The following BTBD10 variants were observed in gnomAD, a reference collection of about 807,000 sequenced individuals.
The protein encoded by BTBD10 is BTB/POZ domain-containing protein 10.
In BTBD10, 21 loss-of-function variants were observed where a neutral mutation model predicts 53.2. The observed-to-expected ratio is 0.39, with a 90% confidence interval of 0.28 to 0.57. The LOEUF (loss-of-function observed/expected upper bound fraction) is 0.57, where lower values mean the gene tolerates loss of function less well. BTBD10 is among the 20% of genes least tolerant of loss of function. The pLI is 0.53. For synonymous variants in BTBD10, 149 were observed against 192.7 expected, an observed-to-expected ratio of 0.77 and a Z score of 1.88; for missense variants, 360 against 594.7, an observed-to-expected ratio of 0.61 and a Z score of 4.10.
chr11:13,443,694 G>T (rs568595114), intron 2 of BTBD10, among the ~76,000 whole-genome samples: 2 of 151,392 alleles, frequency 1.3e-5, no homozygotes, highest in Non-Finnish European at 2.9e-5. Context: ...AGGAATTCTC[G>T]TGCCTCAACC....
At chr11:13,430,068 T>C (rs983531064) in intron 2 of BTBD10, among the ~76,000 whole-genome samples, 1 of 152,108 alleles carries the variant, frequency 6.6e-6, no homozygotes, top group Non-Finnish European at 1.5e-5. Context: ...GTCATCATGC[T>C]ACTGCACTCT....
At chr11:13,403,445 G>A (rs1353189077) in intron 7 of BTBD10, among the ~76,000 whole-genome samples, 167 bp from the exon 8 acceptor site, 2 of 152,150 alleles carry the variant, frequency 1.3e-5, no homozygotes, top group Non-Finnish European at 2.9e-5. Flanking sequence ...ATTCAGTATA[G>A]TTAATGTAGA....
At chr11:13,458,367 G>C (rs1951017599) in intron 1 of BTBD10, among the ~76,000 whole-genome samples, 1 of 152,060 alleles carries the variant, frequency 6.6e-6, no homozygotes, top group East Asian at 1.9e-4. Context: ...ACACGAAATG[G>C]AAATTTAAAA....
At chr11:13,398,143 G>C (rs1400678588) in intron 8 of BTBD10, among the ~76,000 whole-genome samples, 2 of 151,858 alleles carry the variant, frequency 1.3e-5, no homozygotes, top group African/African-American at 4.8e-5. Flanking sequence ...ACAGTGGGGT[G>C]TTAAAGTCTC....
At chr11:13,392,535 T>C (rs1396179602) in intron 8 of BTBD10, among the ~76,000 whole-genome samples, 1 of 152,212 alleles carries the variant, frequency 6.6e-6, no homozygotes, top group Non-Finnish European at 1.5e-5. Flanking sequence ...GAGTAAATTA[T>C]ACTCTTTATT....
chr11:13,453,239 T>C (rs1950899744), intron 1 of BTBD10, among the ~76,000 whole-genome samples: 1 of 152,024 alleles, frequency 6.6e-6, no homozygotes, highest in Non-Finnish European at 1.5e-5. Flanking sequence ...CAGATATGCA[T>C]TATGTAATCC....
At chr11:13,399,080 T>G (rs1005807793) in intron 8 of BTBD10, among the ~76,000 whole-genome samples, 4 of 152,186 alleles carry the variant, frequency 2.6e-5, no homozygotes, top group Non-Finnish European at 5.9e-5. Context: ...TTTCCTGAAT[T>G]TGAATGTTGG....
chr11:13,447,629 T>C (rs1002033276), intron 1 of BTBD10, among the ~76,000 whole-genome samples: 5 of 152,190 alleles, frequency 3.3e-5, no homozygotes, highest in African/African-American at 9.7e-5. Context: ...GAAATTCCCA[T>C]GTGTTTTCCT....
intron 1 of BTBD10, among the ~76,000 whole-genome samples, chr11:13,458,752 C>T (rs185930089): frequency 2.6e-5 from 4 of 152,270 alleles, no homozygotes; most frequent in African/African-American, 9.6e-5. Context: ...AAGAATGTCT[C>T]GCAGTTAACC....
At chr11:13,398,334 A>C (rs1949613134) in intron 8 of BTBD10, among the ~76,000 whole-genome samples, 1 of 151,808 alleles carries the variant, frequency 6.6e-6, no homozygotes. Context: ...GTTGGTTTAA[A>C]GTCTGTTTTA....
At chr11:13,415,868 C>T (rs1950094541) in intron 5 of BTBD10, among the ~76,000 whole-genome samples, 1 of 151,560 alleles carries the variant, frequency 6.6e-6, no homozygotes, top group South Asian at 2.1e-4. Context: ...GTTGCCCAGG[C>T]TGGTCTTGAA....
At chr11:13,462,755 T>C (rs1398201662) in intron 1 of BTBD10, 1 of 152,268 alleles carries the variant, frequency 6.6e-6, no homozygotes, top group Non-Finnish European at 1.5e-5. Context: ...GCTGCGTTCG[T>C]CTGAGATGAC....
chr11:13,407,445 A>G (rs565684545), intron 6 of BTBD10, among the ~76,000 whole-genome samples: 2 of 152,292 alleles, frequency 1.3e-5, no homozygotes, highest in South Asian at 4.1e-4. Flanking sequence ...TATTTTTCAA[A>G]TCAGTAAATG....
intron 5 of BTBD10, 43 bp downstream of exon 5, chr11:13,417,115 A>C: frequency 7.0e-7 from 1 of 1,423,582 alleles, no homozygotes; most frequent in East Asian, 2.3e-5. Flanking sequence ...TACCTCCAAG[A>C]AGGCGTCTTA....
At chr11:13,400,317 A>G (rs890539479) in intron 8 of BTBD10, among the ~76,000 whole-genome samples, 2 of 152,140 alleles carry the variant, frequency 1.3e-5, no homozygotes, top group Non-Finnish European at 2.9e-5. Flanking sequence ...GCAATGAGCA[A>G]GGCTCCGTGG....
intron 1 of BTBD10, among the ~76,000 whole-genome samples, chr11:13,459,999 C>G (rs1951059759): frequency 6.6e-6 from 1 of 152,152 alleles, no homozygotes; most frequent in Admixed American, 6.6e-5. Context: ...AAATATAAAA[C>G]AAATTCCTCA....
At chr11:13,462,949 A>C (rs1951135472) in intron 1 of BTBD10, 143 bp downstream of exon 1, 1 of 152,670 alleles carries the variant, frequency 6.6e-6, no homozygotes. Flanking sequence ...ACGGTACCCG[A>C]GCAGGGTCCG....
intron 8 of BTBD10, among the ~76,000 whole-genome samples, chr11:13,393,678 G>A (rs991455478): frequency 3.9e-5 from 6 of 152,066 alleles, no homozygotes; most frequent in African/African-American, 9.7e-5. Flanking sequence ...GTTAGTTACC[G>A]TCCTGCCAAA....
At position 13,453,934 on chromosome 11, in the gene BTBD10, C is replaced by T. The variant is rs1461670013; in HGVS notation, c.-57-8753G>A. Among the ~76,000 whole-genome samples, 3 of 152,086 alleles carry T rather than the reference C, an allele frequency of 2.0e-5. No homozygotes were observed. In the East Asian group the frequency reaches 5.8e-4, roughly 29 times the overall value. ...AGGCGTGTTGGCGGGCACCTGTAAT[C>T]CCAGCTACTCAGGAAGCTGAGGCAG... is the stretch of plus-strand genomic sequence containing the variant. On this transcript the variant is annotated intron_variant, in intron 1 of 8. Transcript: ENST00000278174.
Sources: allele counts gnomAD v4.1 joint callset (sites outside exome capture counted in the v4.1 genomes callset), GRCh38; gene constraint gnomAD v4.1.1; transcripts MANE v1.5; gene names NCBI Gene and HGNC (gene_info 2026-07-23, HGNC 2026-07-21).